The following RIMBP2 variants were observed in gnomAD, a reference collection of about 807,000 sequenced individuals.
The protein encoded by RIMBP2 is RIMS-binding protein 2.
Under a neutral mutation model 118.6 loss-of-function variants are expected in RIMBP2, and 48 were observed. The observed-to-expected ratio is 0.40, with a 90% CI of 0.32 to 0.51. The LOEUF (loss-of-function observed/expected upper bound fraction) is 0.51. Ranked by LOEUF, RIMBP2 falls within the 20% of genes least tolerant of loss-of-function variation. The pLI, the probability that RIMBP2 is intolerant of heterozygous loss-of-function variation, is 0.41. For synonymous variants in RIMBP2, 762 were observed against 742.9 expected (o/e 1.03, Z -0.42); for missense variants, 1,551 against 1,768.3 (o/e 0.88, Z 2.20).
intron 10 of RIMBP2, among the ~76,000 whole-genome samples, chr12:130,443,765 G>C (rs185678047): frequency 2.6e-5 from 4 of 152,306 alleles, no homozygotes; most frequent in African/African-American, 9.6e-5. Context: ...TGATGGTGAT[G>C]ATGGTGACGG....
chr12:130,585,614 C>CA lies in RIMBP2; in HGVS notation c.-217+42707dup, dbSNP rs60707391. Among the ~76,000 whole-genome samples the CA allele has an allele frequency of 3.9e-3, 484 of 122,968 alleles. 3 individuals carry two copies. Among genetic ancestry groups the CA allele is most frequent in the Middle Eastern group, 0.021 (5 of 234 alleles). The allele number at this position is 122,968 out of a possible 152,430, so 80.7% of individuals were successfully genotyped here. A position where few individuals can be genotyped will look rare whatever the true frequency, so the allele number is the denominator to read the frequency against. On this transcript the variant is annotated intron_variant, in intron 2 of 22. Coordinates refer to ENST00000690449, the MANE Select transcript of RIMBP2 (RefSeq NM_001393629.1). ...CCTGGGTGACGGTGAGACCCTGTCT[C>CA]AAAAAAAAAAAAAAAAAGAGGCCAG...
chr12:130,693,403 T>C (rs2065424860), intron 1 of RIMBP2, among the ~76,000 whole-genome samples: 1 of 148,862 alleles, frequency 6.7e-6, no homozygotes, highest in African/African-American at 2.6e-5. Context: ...TGATGGGGGG[T>C]CGCCTTGAGG....
intron 6 of RIMBP2, among the ~76,000 whole-genome samples, chr12:130,458,569 G>A (rs1054343701): frequency 2.0e-5 from 3 of 152,312 alleles, no homozygotes; most frequent in African/African-American, 4.8e-5. Context: ...GCCGGACCCC[G>A]GAAGGCCCTG....
chr12:130,485,012 C>G (rs756477131), intron 4 of RIMBP2, among the ~76,000 whole-genome samples: 1 of 151,940 alleles, frequency 6.6e-6, no homozygotes, highest in Non-Finnish European at 1.5e-5. Context: ...TCCTTGGCAT[C>G]TATTAAGTTC....
At chr12:130,418,225 A>G (rs1427903836) in intron 17 of RIMBP2, among the ~76,000 whole-genome samples, 1 of 152,220 alleles carries the variant, frequency 6.6e-6, no homozygotes, top group Non-Finnish European at 1.5e-5. Flanking sequence ...TTGAATGCCT[A>G]ATCTAAAATG....
intron 3 of RIMBP2, among the ~76,000 whole-genome samples, chr12:130,507,019 G>A (rs545207996): frequency 1.3e-5 from 2 of 152,086 alleles, no homozygotes; most frequent in African/African-American, 4.8e-5. Context: ...TTGGTTCAGG[G>A]TTGCAAATGT....
chr12:130,561,222 T>C (rs893563623), intron 2 of RIMBP2, among the ~76,000 whole-genome samples: 3 of 152,176 alleles, frequency 2.0e-5, no homozygotes, highest in Admixed American at 1.3e-4. Context: ...CCTCCAGAAC[T>C]GGGAGAGAAT....
intron 2 of RIMBP2, among the ~76,000 whole-genome samples, chr12:130,583,073 C>A (rs1402687749): frequency 6.6e-6 from 1 of 152,110 alleles, no homozygotes; most frequent in Non-Finnish European, 1.5e-5. Context: ...GATTAAATAA[C>A]CAACATGTTA....
chr12:130,474,953 A>G (rs1226516657), intron 5 of RIMBP2, among the ~76,000 whole-genome samples: 1 of 152,210 alleles, frequency 6.6e-6, no homozygotes, highest in Non-Finnish European at 1.5e-5. Context: ...TGTTGAGTGA[A>G]TGGACGCAGG....
chr12:130,542,305 G>A (rs943738049), intron 2 of RIMBP2, among the ~76,000 whole-genome samples: 1 of 151,920 alleles, frequency 6.6e-6, no homozygotes, highest in African/African-American at 2.4e-5. Flanking sequence ...CAGTCTTGTA[G>A]GGAAGATAGA....
At position 130,438,486 on chromosome 12, in the gene RIMBP2, A is replaced by G. The variant is rs1280120249; in HGVS notation, c.1535T>C (p.Val512Ala). 1 of 1,610,876 alleles carries G rather than the reference A, an allele frequency of 6.2e-7. No individual in the cohort carries two copies. The highest frequency in any genetic ancestry group is 2.2e-5 in the East Asian group (1 of 44,742). ...GGTGGCGGGGGTCACCCCAGCCTGG[A>G]CGGTAACATCTTGTGGGGGTGCTGG... ...GPPAPPQDVT[V>A]QAGVTPATIR... Residue 512 changes from valine to alanine, a missense_variant, in exon 12 of 23, where the codon GTC (valine) becomes GCC (alanine). Transcript: ENST00000690449.
intron 1 of RIMBP2, among the ~76,000 whole-genome samples, chr12:130,684,640 C>T (rs993187658): frequency 6.6e-6 from 1 of 152,164 alleles, no homozygotes; most frequent in Non-Finnish European, 1.5e-5. Context: ...GTCCTGATAT[C>T]CCGATATCTT....
chr12:130,463,420 A>G (rs992163404), intron 6 of RIMBP2, among the ~76,000 whole-genome samples: 5 of 152,170 alleles, frequency 3.3e-5, no homozygotes, highest in South Asian at 2.1e-4. Context: ...TGTAATTGGA[A>G]CAAACAGCAG....
chr12:130,563,390 A>C (rs1266826087), intron 2 of RIMBP2, among the ~76,000 whole-genome samples: 1 of 152,266 alleles, frequency 6.6e-6, no homozygotes, highest in African/African-American at 2.4e-5. Flanking sequence ...AAATGGAAGA[A>C]TAGATCAAAG....
At chr12:130,599,507 A>G (rs764709163) in intron 2 of RIMBP2, among the ~76,000 whole-genome samples, 11 of 152,242 alleles carry the variant, frequency 7.2e-5, no homozygotes, top group Non-Finnish European at 5.9e-5. Context: ...ACATGAAAAG[A>G]TGAGCAATAG....
At chr12:130,702,130 G>A (rs1210041801) in intron 1 of RIMBP2, among the ~76,000 whole-genome samples, 1 of 152,092 alleles carries the variant, frequency 6.6e-6, no homozygotes, top group Non-Finnish European at 1.5e-5. Context: ...CATTACAGTG[G>A]GGGAGGAAAA....
chr12:130,521,427 T>C (rs1400285291), intron 2 of RIMBP2, among the ~76,000 whole-genome samples: 3 of 152,058 alleles, frequency 2.0e-5, no homozygotes, highest in South Asian at 2.1e-4. Context: ...AAGAGGAGGA[T>C]TGGGGGTGTG....
At chr12:130,705,306 C>T (rs1398717088) in intron 1 of RIMBP2, among the ~76,000 whole-genome samples, 5 of 152,222 alleles carry the variant, frequency 3.3e-5, no homozygotes, top group Non-Finnish European at 7.3e-5. Context: ...ACTAGACAGG[C>T]TCATGAAGCC....
chr12:130,553,147 C>G (rs1421249555), intron 2 of RIMBP2, among the ~76,000 whole-genome samples: 3 of 140,146 alleles, frequency 2.1e-5, no homozygotes, highest in African/African-American at 7.8e-5. Context: ...AGCGAGACTC[C>G]ATCTCAAAAA....
Sources: gnomAD v4.1 joint callset for allele counts (sites outside exome capture counted in the v4.1 genomes callset) on GRCh38, gnomAD v4.1.1 for gene constraint, MANE v1.5 for transcripts, NCBI Gene and HGNC (gene_info 2026-07-23, HGNC 2026-07-21) for gene names.